Variants in ADGRB3 observed in about 807,000 individuals in gnomAD.
ADGRB3 encodes brain-specific angiogenesis inhibitor 3.
Under a neutral mutation model 193.4 loss-of-function variants are expected in ADGRB3, and 37 were observed. The ratio of observed to expected loss-of-function variants is 0.19; its 90% confidence interval spans 0.15 to 0.25. The LOEUF (loss-of-function observed/expected upper bound fraction) is 0.25, where lower values mean the gene tolerates loss of function less well. Ranked by LOEUF, ADGRB3 falls within the 10% of genes least tolerant of loss-of-function variation. The pLI, the probability that ADGRB3 is intolerant of heterozygous loss-of-function variation, is 1.00. For missense variants in ADGRB3, 1,637 were observed against 1,852.9 expected, an observed-to-expected ratio of 0.88 and a Z score of 2.14; for synonymous variants, 690 against 644.2, an observed-to-expected ratio of 1.07 and a Z score of -1.08.
chr6:69,028,271 A>C (rs1487002588), intron 13 of ADGRB3, among the ~76,000 whole-genome samples: 1 of 152,202 alleles, frequency 6.6e-6, no homozygotes, highest in Non-Finnish European at 1.5e-5. Flanking sequence ...TAGAACTCTT[A>C]AGGCTCAACC....
At chr6:68,727,806 G>A (rs2127329090) in intron 3 of ADGRB3, among the ~76,000 whole-genome samples, 1 of 151,630 alleles carries the variant, frequency 6.6e-6, no homozygotes, top group East Asian at 1.9e-4. Flanking sequence ...AATTATTTGT[G>A]TGAATTCAGT....
intron 8 of ADGRB3, among the ~76,000 whole-genome samples, chr6:68,961,351 G>T (rs1768227165): frequency 6.6e-6 from 1 of 152,130 alleles, no homozygotes; most frequent in African/African-American, 2.4e-5. Flanking sequence ...CTGCAGTCCT[G>T]ATGTTGTCAG....
chr6:68,743,296 T>C (rs1766016739), intron 3 of ADGRB3, among the ~76,000 whole-genome samples: 1 of 152,026 alleles, frequency 6.6e-6, no homozygotes, highest in Admixed American at 6.6e-5. Context: ...TCACCTTCAA[T>C]ATATCTTCTG....
At chr6:68,765,296 A>G (rs1174670846) in intron 3 of ADGRB3, among the ~76,000 whole-genome samples, 5 of 152,124 alleles carry the variant, frequency 3.3e-5, no homozygotes, top group African/African-American at 1.2e-4. Flanking sequence ...TGTTTATTTC[A>G]GGTCTGTCTG....
intron 3 of ADGRB3, among the ~76,000 whole-genome samples, chr6:68,919,452 A>G (rs1264034284): frequency 6.6e-6 from 1 of 152,124 alleles, no homozygotes; most frequent in African/African-American, 2.4e-5. Context: ...CAAAATGTAT[A>G]TTGGCCGATG....
chr6:68,850,794 C>T (rs1264066570), intron 3 of ADGRB3, among the ~76,000 whole-genome samples: 1 of 151,904 alleles, frequency 6.6e-6, no homozygotes, highest in Non-Finnish European at 1.5e-5. Flanking sequence ...TAAACCTCAA[C>T]ATTTTTAACA....
intron 17 of ADGRB3, among the ~76,000 whole-genome samples, chr6:69,181,051 G>A (rs533380962): frequency 3.1e-4 from 47 of 152,254 alleles, no homozygotes; most frequent in African/African-American, 8.4e-4. Context: ...ATCCCCAGGA[G>A]AAAAGTGAGT....
chr6:69,241,984 G>T (rs1766393611), intron 20 of ADGRB3, among the ~76,000 whole-genome samples: 1 of 151,792 alleles, frequency 6.6e-6, no homozygotes. Flanking sequence ...GATTAGAAGA[G>T]AAAAATACAA....
chr6:69,153,075 C>T (rs1283778755), intron 17 of ADGRB3, among the ~76,000 whole-genome samples: 1 of 151,938 alleles, frequency 6.6e-6, no homozygotes, highest in Non-Finnish European at 1.5e-5. Context: ...CATGAAGCGT[C>T]CACCCAGATA....
chr6:68,937,004 A>C (rs1767503797), intron 5 of ADGRB3, among the ~76,000 whole-genome samples: 1 of 152,134 alleles, frequency 6.6e-6, no homozygotes, highest in African/African-American at 2.4e-5. Flanking sequence ...CTTGAGGAAA[A>C]ATGTAATCTG....
chr6:69,137,361 T>C (rs1384016424), intron 17 of ADGRB3, among the ~76,000 whole-genome samples: 1 of 152,070 alleles, frequency 6.6e-6, no homozygotes, highest in Non-Finnish European at 1.5e-5. Flanking sequence ...GAACTTAACA[T>C]TTTCTGTGTT....
intron 5 of ADGRB3, among the ~76,000 whole-genome samples, chr6:68,942,522 T>C (rs1447650257): frequency 6.6e-6 from 1 of 152,160 alleles, no homozygotes; most frequent in Non-Finnish European, 1.5e-5. Context: ...ATTGATGTTG[T>C]CTATTAGGGT....
chr6:69,066,016 GTGCATAGGTTATA>G (rs555014990), intron 16 of ADGRB3, among the ~76,000 whole-genome samples: 1,930 of 152,000 alleles, frequency 0.013, 22 homozygotes, highest in South Asian at 0.028. Context: ...ACAACAGAAT[GTGCATAGGTTATA>G]TGCAAATATA....
chr6:68,643,541 T>C (rs560022355), intron 3 of ADGRB3, among the ~76,000 whole-genome samples: 2 of 142,130 alleles, frequency 1.4e-5, no homozygotes, highest in South Asian at 4.7e-4. Flanking sequence ...AGAAACAGCC[T>C]GACAGTTTGC....
intron 20 of ADGRB3, among the ~76,000 whole-genome samples, chr6:69,249,897 T>C (rs1445303307): frequency 6.6e-6 from 1 of 152,236 alleles, no homozygotes; most frequent in Non-Finnish European, 1.5e-5. Flanking sequence ...CTATGAAATT[T>C]AAGATGTATG....
intron 5 of ADGRB3, among the ~76,000 whole-genome samples, chr6:68,938,015 C>T (rs1767527954): frequency 6.6e-6 from 1 of 151,772 alleles, no homozygotes; most frequent in Non-Finnish European, 1.5e-5. Context: ...ATGAGGTGGG[C>T]GATCCCTTTA....
At chr6:69,102,932 T>C (rs1773105451) in intron 17 of ADGRB3, among the ~76,000 whole-genome samples, 1 of 152,330 alleles carries the variant, frequency 6.6e-6, no homozygotes, top group South Asian at 2.1e-4. Context: ...TAGACAACCA[T>C]AGAATCAAAA....
At chr6:68,710,587 C>T (rs1765393027) in intron 3 of ADGRB3, among the ~76,000 whole-genome samples, 1 of 152,112 alleles carries the variant, frequency 6.6e-6, no homozygotes, top group African/African-American at 2.4e-5. Flanking sequence ...CCCTTCTCTC[C>T]TCCTGACACA....
chr6:69,330,605 T>C, intron 23 of ADGRB3, 33 bp downstream of exon 23: 2 of 1,537,786 alleles, frequency 1.3e-6, no homozygotes, highest in Non-Finnish European at 1.8e-6. Flanking sequence ...TTTGTTTTCT[T>C]AGGAAAAAAA....
Sources: allele counts gnomAD v4.1 joint callset (sites outside exome capture counted in the v4.1 genomes callset), GRCh38; gene constraint gnomAD v4.1.1; transcripts MANE v1.5; gene names NCBI Gene and HGNC (gene_info 2026-07-23, HGNC 2026-07-21).